The following ANK2 variants were observed in gnomAD, a reference collection of about 807,000 sequenced individuals.
ANK2 encodes ankyrin 2, also known as ankyrin-2.
In ANK2, 83 loss-of-function variants were observed where a neutral mutation model predicts 360.5. The ratio of observed to expected loss-of-function variants is 0.23; its 90% CI spans 0.19 to 0.28. The LOEUF is 0.28. Among genes scored for constraint, ANK2 ranks in the 10% least tolerant of loss-of-function variants. ANK2 has a pLI of 1.00. For missense variants in ANK2, 4,201 were observed against 4,795.7 expected (o/e 0.88, Z 3.66); for synonymous variants, 1,740 against 1,759.5 (o/e 0.99, Z 0.28).
At chr4:112,916,833 A>G (rs1347162981) in intron 2 of ANK2, among the ~76,000 whole-genome samples, 1 of 152,216 alleles carries the variant, frequency 6.6e-6, no homozygotes, top group African/African-American at 2.4e-5. Flanking sequence ...AAGCAATTTA[A>G]TGATCAAATT....
At chr4:113,181,478 G>T (rs1405303381) in intron 2 of ANK2, among the ~76,000 whole-genome samples, 1 of 152,110 alleles carries the variant, frequency 6.6e-6, no homozygotes, top group Non-Finnish European at 1.5e-5. Context: ...TCAGTGGCAG[G>T]CTCTGTCCTA....
Position 113,353,387 on chromosome 4 carries a change from A to C in ANK2, c.4769A>C (p.Glu1590Ala), listed in dbSNP as rs2095538080. ...CGGTCTGAGAGAGGATTAGTTGAAG[A>C]GGAATGGGTTATTGTCAGTGATGAG... is the stretch of plus-strand genomic sequence containing the variant. ...SSRSERGLVE[E>A]EWVIVSDEEI... The change falls in exon 38 of 46, where the codon GAG (glutamate) becomes GCG (alanine). Residue 1590 changes from glutamate (E) to alanine (A), a missense_variant. Glu to Ala is a moderately radical substitution (Grantham distance 107, BLOSUM62 -1). This residue lies in a region of ANK2 where 1,268 missense variants were observed against 1,650.8 expected (regional missense o/e 0.77). Coordinates refer to ENST00000357077, the MANE Select transcript of ANK2 (RefSeq NM_001148.6). 1.2e-6 allele frequency: 2 copies of C among 1,614,014 alleles called. No individual in the cohort carries two copies. Among genetic ancestry groups the C allele is most frequent in the Non-Finnish European group, 1.7e-6 (2 of 1,179,984 alleles).
intron 2 of ANK2, among the ~76,000 whole-genome samples, chr4:113,007,448 C>T (rs2053281097): frequency 6.6e-6 from 1 of 152,162 alleles, no homozygotes; most frequent in Non-Finnish European, 1.5e-5. Flanking sequence ...ACAGGATACC[C>T]AAATACGATG....
In ANK2 at chr4:112,882,168, T is replaced by A. The variant is rs116538139; in HGVS notation, c.-39-22287T>A. The stretch of plus-strand genomic sequence containing the variant: ...CTGGGAAGAGAGACTTTAACGAGGC[T>A]TCCTCAGCGGTATCCACGGGCAGAA... On this transcript the variant is annotated intron_variant, in intron 1 of 30. Coordinates refer to the ANK2 transcript ENST00000503271. 9.5e-3 allele frequency: 1,963 copies of A among 206,674 alleles called. 38 individuals carry two copies. The highest frequency in any genetic ancestry group is 0.04 in the African/African-American group (1,735 of 43,122). 12.8% of individuals were successfully genotyped at this position (206,674 alleles called of 1,614,324 possible).
the ANK2 span, among the ~76,000 whole-genome samples, chr4:112,766,835 ATTGAG>A: frequency 6.6e-6 from 1 of 152,164 alleles, no homozygotes; most frequent in African/African-American, 2.4e-5. Flanking sequence ...CAAGACAGGA[ATTGAG>A]TTAGCCCACC....
At chr4:112,851,014 G>C (rs1437629631) in intron 1 of ANK2, among the ~76,000 whole-genome samples, 1 of 152,102 alleles carries the variant, frequency 6.6e-6, no homozygotes, top group Non-Finnish European at 1.5e-5. Context: ...ACATTACTAA[G>C]GTTTTATGGG....
intron 1 of ANK2, chr4:112,827,490 C>T (rs2149604544): frequency 7.5e-7 from 1 of 1,326,610 alleles, no homozygotes; most frequent in Non-Finnish European, 1.1e-6. Context: ...TGACAGTCAC[C>T]AAACAGTTGC....
At chr4:113,364,449 G>T (rs563314765) in intron 40 of ANK2, among the ~76,000 whole-genome samples, 1 of 152,162 alleles carries the variant, frequency 6.6e-6, no homozygotes, top group Non-Finnish European at 1.5e-5. Context: ...CGTATGAACC[G>T]CATTAAATAA....
intron 1 of ANK2, among the ~76,000 whole-genome samples, chr4:113,073,353 C>G (rs1376795893): frequency 6.6e-6 from 1 of 152,106 alleles, no homozygotes; most frequent in Non-Finnish European, 1.5e-5. Context: ...TAGAGGAGCT[C>G]TGATTCTTGA....
chr4:113,181,413 AACTC>A (rs1445696446), intron 2 of ANK2, among the ~76,000 whole-genome samples: 3 of 152,136 alleles, frequency 2.0e-5, no homozygotes, highest in African/African-American at 7.2e-5. Context: ...TGCCGGTCTG[AACTC>A]AGGCACGCTA....
At position 113,094,496 on chromosome 4, in the gene ANK2, G is replaced by A. The variant is rs1375097052; in HGVS notation, c.84+44684G>A. On this transcript the variant is annotated intron_variant, in intron 1 of 45. Transcript: ENST00000357077. ...TAAGAGGACCAGAAGGAATTTATGTGATGGAAAAGAGGGTGCAGCACGTGT... is the reference window on the plus strand; with the variant it reads ...TAAGAGGACCAGAAGGAATTTATGTAATGGAAAAGAGGGTGCAGCACGTGT... Among the ~76,000 whole-genome samples, 10 of 151,912 alleles carry A rather than the reference G, an allele frequency of 6.6e-5. 1 individual carries two copies. Among genetic ancestry groups the A allele is most frequent in the Non-Finnish European group, 8.8e-5 (6 of 67,944 alleles).
chr4:112,770,145 C>T, the ANK2 span, among the ~76,000 whole-genome samples: 1 of 152,170 alleles, frequency 6.6e-6, no homozygotes, highest in Non-Finnish European at 1.5e-5. Context: ...CTCGTGGGTT[C>T]TCTTCTCTCC....
chr4:113,363,048 G>A (rs144478198), intron 39 of ANK2, among the ~76,000 whole-genome samples: 9 of 152,148 alleles, frequency 5.9e-5, no homozygotes, highest in Middle Eastern at 3.4e-3. Context: ...GATCTCATTT[G>A]CATTTTGGAA....
chr4:112,916,779 A>G (rs2089977331), intron 2 of ANK2, among the ~76,000 whole-genome samples: 2 of 152,232 alleles, frequency 1.3e-5, no homozygotes, highest in African/African-American at 4.8e-5. Context: ...AATATCTTCA[A>G]CTAGTATAAT....
chr4:113,174,298 A>G (rs2098109986), intron 1 of ANK2, 118 bp from the exon 2 acceptor site: 3 of 772,404 alleles, frequency 3.9e-6, no homozygotes, highest in Admixed American at 4.2e-5. Context: ...ACTCCGTATT[A>G]TTGAAATTTT....
At chr4:112,893,181 T>C (rs745938562) in intron 1 of ANK2, among the ~76,000 whole-genome samples, 1 of 152,134 alleles carries the variant, frequency 6.6e-6, no homozygotes, top group Non-Finnish European at 1.5e-5. Context: ...TGATAAAGCA[T>C]ATAAAGTATT....
At chr4:113,230,759 T>G (rs1249565493) in intron 4 of ANK2, among the ~76,000 whole-genome samples, 1 of 152,224 alleles carries the variant, frequency 6.6e-6, no homozygotes, top group Non-Finnish European at 1.5e-5. Context: ...AATTTAATTT[T>G]AAACTCATGT....
chr4:112,799,742 T>C, the ANK2 span, among the ~76,000 whole-genome samples: 2 of 151,608 alleles, frequency 1.3e-5, no homozygotes, highest in African/African-American at 2.4e-5. Context: ...GTCTTGTAAC[T>C]CTTGCCTTCA....
At chr4:113,160,706 C>T (rs956021738) in intron 1 of ANK2, among the ~76,000 whole-genome samples, 4 of 152,148 alleles carry the variant, frequency 2.6e-5, no homozygotes, top group African/African-American at 9.7e-5. Flanking sequence ...ACTATTTCTA[C>T]CTTGGAGGGC....
Sources: gnomAD v4.1 joint callset for allele counts (sites outside exome capture counted in the v4.1 genomes callset) on GRCh38, gnomAD v4.1.1 for gene constraint, gnomAD v4.1.1 regional missense constraint, MANE v1.5 for transcripts, NCBI Gene and HGNC (gene_info 2026-07-23, HGNC 2026-07-21) for gene names.